Variants in SLC38A1 observed in about 807,000 individuals in gnomAD.
The protein encoded by SLC38A1 is sodium-coupled neutral amino acid symporter 1.
Under a neutral mutation model 60.3 loss-of-function variants are expected in SLC38A1, and 18 were observed. The observed-to-expected ratio is 0.30, with a 90% CI of 0.21 to 0.44. SLC38A1 has a LOEUF of 0.44. SLC38A1 is among the 20% of genes least tolerant of loss of function. The pLI is 1.00. For synonymous variants in SLC38A1, 196 were observed against 212.1 expected, an observed-to-expected ratio of 0.92 and a Z score of 0.66; for missense variants, 448 against 587.2, an observed-to-expected ratio of 0.76 and a Z score of 2.45.
chr12:46,186,623 A>G lies in SLC38A1; in HGVS notation c.*2347T>C, dbSNP rs1273792724. 6.6e-6 allele frequency: 1 copy of G among 152,194 alleles called. No homozygotes were observed. The highest frequency in any genetic ancestry group is 1.5e-5 in the Non-Finnish European group (1 of 68,042). 9.4% of individuals were successfully genotyped at this position (152,194 alleles called of 1,614,324 possible). The stretch of plus-strand genomic sequence containing the variant: ...GGTCTATTATATTCAGTCAACAACA[A>G]ATTTAGAGAAACATACAAAGGTTTT... On this transcript the variant is annotated 3_prime_UTR_variant, in exon 17 of 17. Coordinates refer to ENST00000398637, the MANE Select transcript of SLC38A1 (RefSeq NM_030674.4).
intron 13 of SLC38A1, 55 bp from the exon 14 acceptor site, chr12:46,198,798 A>G: frequency 9.5e-7 from 1 of 1,050,212 alleles, no homozygotes; most frequent in Non-Finnish European, 1.4e-6. Flanking sequence ...ATATAGCTGA[A>G]TGACAGTTTT....
At chr12:46,201,318 T>C (rs115275312) in intron 12 of SLC38A1, 120 bp from the exon 13 acceptor site, 2 of 759,856 alleles carry the variant, frequency 2.6e-6, no homozygotes, top group South Asian at 3.6e-5. Flanking sequence ...TCTGAACAGC[T>C]GAAATTACCC....
chr12:46,216,679 C>T (rs910288833), intron 5 of SLC38A1, among the ~76,000 whole-genome samples: 2 of 152,098 alleles, frequency 1.3e-5, no homozygotes, highest in African/African-American at 4.8e-5. Context: ...GGTGAAACCC[C>T]GTATCTACGT....
chr12:46,199,261 T>C (rs1939529475), intron 13 of SLC38A1, among the ~76,000 whole-genome samples: 1 of 151,712 alleles, frequency 6.6e-6, no homozygotes, highest in East Asian at 1.9e-4. Flanking sequence ...CACTCTTTCA[T>C]GTATGTTGTT....
intron 1 of SLC38A1, among the ~76,000 whole-genome samples, chr12:46,260,514 T>C (rs1942164870): frequency 1.3e-5 from 2 of 152,236 alleles, no homozygotes; most frequent in South Asian, 2.1e-4. Flanking sequence ...AGAGGTTATC[T>C]CTCAGGTTCT....
intron 3 of SLC38A1, among the ~76,000 whole-genome samples, chr12:46,236,352 C>T (rs1941259213): frequency 6.6e-6 from 1 of 152,134 alleles, no homozygotes; most frequent in African/African-American, 2.4e-5. Context: ...GCTAACTAAC[C>T]TGTTGTGGCA....
At chr12:46,247,257 A>G (rs944848701) in intron 1 of SLC38A1, among the ~76,000 whole-genome samples, 26 of 152,222 alleles carry the variant, frequency 1.7e-4, no homozygotes, top group African/African-American at 5.8e-4. Flanking sequence ...AGGATGTTCT[A>G]TCCCATCACA....
intron 2 of SLC38A1, 72 bp from the exon 3 acceptor site, chr12:46,239,965 TAAAC>T: frequency 1.6e-6 from 1 of 608,700 alleles, no homozygotes; most frequent in Non-Finnish European, 2.8e-6. Context: ...TTACCACAAA[TAAAC>T]AAGTAGTTAA....
At chr12:46,257,151 T>C (rs1175632456) in intron 1 of SLC38A1, among the ~76,000 whole-genome samples, 1 of 152,150 alleles carries the variant, frequency 6.6e-6, no homozygotes, top group East Asian at 1.9e-4. Context: ...AAGTTTCCCC[T>C]TTTAGGGAGG....
At chr12:46,222,921 T>A (rs910174782) in intron 5 of SLC38A1, among the ~76,000 whole-genome samples, 2 of 152,218 alleles carry the variant, frequency 1.3e-5, no homozygotes, top group African/African-American at 4.8e-5. Flanking sequence ...CAAGCTGTTT[T>A]CATGACAGTA....
intron 16 of SLC38A1, among the ~76,000 whole-genome samples, chr12:46,193,851 C>G (rs1299508632): frequency 2.0e-5 from 3 of 152,072 alleles, no homozygotes; most frequent in African/African-American, 7.2e-5. Flanking sequence ...TGGGTCTCCT[C>G]AATACAGCAC....
At chr12:46,239,642 T>C in intron 3 of SLC38A1, 37 bp downstream of exon 3, 1 of 1,610,874 alleles carries the variant, frequency 6.2e-7, no homozygotes, top group Non-Finnish European at 8.5e-7. Flanking sequence ...GAGCCATTTC[T>C]TTCACTGGAT....
chr12:46,222,660 T>G (rs1026344231), intron 5 of SLC38A1, among the ~76,000 whole-genome samples: 7 of 152,304 alleles, frequency 4.6e-5, no homozygotes, highest in African/African-American at 1.7e-4. Context: ...GGGTTAAACT[T>G]GGTATTATTT....
At chr12:46,196,762 C>T (rs1299806042) in intron 16 of SLC38A1, among the ~76,000 whole-genome samples, 1 of 152,068 alleles carries the variant, frequency 6.6e-6, no homozygotes, top group African/African-American at 2.4e-5. Flanking sequence ...TTCTCCAAGA[C>T]CAAGCAAAAT....
rs146402543 is a variant in SLC38A1 at position 46,199,458 on chromosome 12, T to G, written c.1004-715A>C. Among the ~76,000 whole-genome samples the G allele has an allele frequency of 8.2e-3, 1,248 of 151,656 alleles. 17 individuals are homozygous for G. Among genetic ancestry groups the G allele is most frequent in the African/African-American group, 0.028 (1,178 of 41,374 alleles). ...TCTGCTTCATGGGCACAAGCAATCC[T>G]CCTGCCTCAGCCTCCTGAGTAGCTG... On this transcript the variant is annotated intron_variant, in intron 13 of 16. Transcript: ENST00000398637.
chr12:46,215,641 C>T (rs1317722551), intron 5 of SLC38A1, among the ~76,000 whole-genome samples: 2 of 152,150 alleles, frequency 1.3e-5, no homozygotes, highest in Non-Finnish European at 2.9e-5. Flanking sequence ...CTCCTGACCT[C>T]AGGTGATCTG....
intron 3 of SLC38A1, among the ~76,000 whole-genome samples, chr12:46,233,896 T>A (rs1438144584): frequency 6.6e-6 from 1 of 152,232 alleles, no homozygotes; most frequent in Non-Finnish European, 1.5e-5. Flanking sequence ...TTCCAGGTAC[T>A]ACTTAATTTG....
chr12:46,246,759 GCTGA>G (rs1223450834), intron 1 of SLC38A1, among the ~76,000 whole-genome samples: 1 of 152,206 alleles, frequency 6.6e-6, no homozygotes, highest in African/African-American at 2.4e-5. Context: ...CCTAGTAGGG[GCTGA>G]CTGACACCTC....
At position 46,188,785 on chromosome 12, in the gene SLC38A1, C is replaced by A; in HGVS notation, c.*185G>T. 2 of 473,254 alleles carry A rather than the reference C, an allele frequency of 4.2e-6. No individual in the cohort carries two copies. Among genetic ancestry groups the A allele is most frequent in the South Asian group, 4.5e-5 (1 of 22,254 alleles). The allele number at this position is 473,254 out of a possible 1,614,324, so 29.3% of individuals were successfully genotyped here. A position where few individuals can be genotyped will look rare whatever the true frequency, so the allele number is the denominator to read the frequency against. On this transcript the variant is annotated 3_prime_UTR_variant, in exon 17 of 17. Transcript: ENST00000398637. ...CACAATCCCTAAATTGATCTCAAATCTTGGAGGGACATGAAGCATTATAGA... is the reference window on the plus strand; with the variant it reads ...CACAATCCCTAAATTGATCTCAAATATTGGAGGGACATGAAGCATTATAGA...
Sources: allele counts gnomAD v4.1 joint callset (sites outside exome capture counted in the v4.1 genomes callset), GRCh38; gene constraint gnomAD v4.1.1; transcripts MANE v1.5; gene names NCBI Gene and HGNC (gene_info 2026-07-23, HGNC 2026-07-21).